The following GSG1L variants were observed in gnomAD, a reference collection of about 807,000 sequenced individuals.
The protein encoded by GSG1L is germ cell-specific gene 1-like protein.
A neutral mutation model predicts 42.1 loss-of-function variants in GSG1L; 24 were observed. That is an observed-to-expected ratio of 0.57 (90% CI 0.41 to 0.80). GSG1L has a LOEUF of 0.80. Among genes scored for constraint, GSG1L ranks in the 30% least tolerant of loss-of-function variants. The probability of loss-of-function intolerance (pLI) is 0.00; values close to 1 mark genes in which losing one functional copy is unlikely to be tolerated. For missense variants in GSG1L, 445 were observed against 472.2 expected, an observed-to-expected ratio of 0.94 and a Z score of 0.53; for synonymous variants, 215 against 203.5, an observed-to-expected ratio of 1.06 and a Z score of -0.48.
At chr16:27,878,225 A>T (rs1316214663) in intron 3 of GSG1L, among the ~76,000 whole-genome samples, 1 of 152,134 alleles carries the variant, frequency 6.6e-6, no homozygotes, top group Non-Finnish European at 1.5e-5. Context: ...GCTAATAAAG[A>T]CATACCCAAG....
chr16:27,890,448 C>T (rs1423046), intron 2 of GSG1L, among the ~76,000 whole-genome samples: 1 of 151,966 alleles, frequency 6.6e-6, no homozygotes, highest in Non-Finnish European at 1.5e-5. Flanking sequence ...AGGATGGAAA[C>T]AGTTCTTGGA....
intron 1 of GSG1L, among the ~76,000 whole-genome samples, chr16:28,011,000 C>T (rs900023329): frequency 2.4e-4 from 37 of 152,116 alleles, no homozygotes; most frequent in African/African-American, 8.9e-4. Flanking sequence ...GATGGGTCGT[C>T]GGGGCTCTGC....
chr16:27,927,039 C>A (rs745569390), intron 2 of GSG1L, among the ~76,000 whole-genome samples: 3 of 152,204 alleles, frequency 2.0e-5, no homozygotes, highest in Non-Finnish European at 4.4e-5. Context: ...TCCCTCCACC[C>A]TTGCTCACCC....
intron 2 of GSG1L, among the ~76,000 whole-genome samples, chr16:27,928,392 C>T (rs1487033124): frequency 5.0e-4 from 76 of 152,310 alleles, no homozygotes; most frequent in Non-Finnish European, 2.6e-4. Context: ...TCTGCAATGT[C>T]GCCGCCTCTG....
chr16:28,028,433 G>A (rs2085923839), intron 1 of GSG1L, among the ~76,000 whole-genome samples: 1 of 151,958 alleles, frequency 6.6e-6, no homozygotes, highest in Non-Finnish European at 1.5e-5. Flanking sequence ...CTAGGCCTAC[G>A]ATTCCCGAGT....
intron 1 of GSG1L, among the ~76,000 whole-genome samples, chr16:28,028,967 G>A (rs1567561485): frequency 6.6e-6 from 1 of 152,198 alleles, no homozygotes; most frequent in Admixed American, 6.5e-5. Context: ...GGTTTGTTTT[G>A]GAGGGTGATG....
chr16:27,806,847 A>G (rs2082969242), intron 6 of GSG1L, among the ~76,000 whole-genome samples: 1 of 152,168 alleles, frequency 6.6e-6, no homozygotes, highest in Admixed American at 6.5e-5. Context: ...CAACAATCCC[A>G]GCTGTAGGGA....
intron 1 of GSG1L, among the ~76,000 whole-genome samples, chr16:28,054,981 G>A (rs946494069): frequency 6.6e-6 from 1 of 151,996 alleles, no homozygotes; most frequent in African/African-American, 2.4e-5. Context: ...CCCAGCCCCC[G>A]CAGGCCCCCT....
chr16:27,789,696 A>ATGGG lies in GSG1L; in HGVS notation c.*1673_*1674insCCCA. The ATGGG allele has an allele frequency of 7.0e-6, 1 of 142,994 alleles. No homozygotes were observed. The highest frequency in any genetic ancestry group is 1.5e-5 in the Non-Finnish European group (1 of 65,344). The allele number at this position is 142,994 out of a possible 1,614,324, so 8.9% of individuals were successfully genotyped here. On this transcript the variant is annotated 3_prime_UTR_variant, in exon 7 of 7. Transcript: ENST00000447459. ...TAGACAATGAATGGATAGATGATGG[A>ATGGG]TGGATGGATGGATGGATGGATGATG...
At chr16:27,983,865 A>C (rs1041864638) in intron 1 of GSG1L, among the ~76,000 whole-genome samples, 1 of 152,198 alleles carries the variant, frequency 6.6e-6, no homozygotes, top group Non-Finnish European at 1.5e-5. Context: ...AGCCTGTTGC[A>C]TGGCAAGAGT....
chr16:27,827,735 T>C (rs2083226725), intron 5 of GSG1L, among the ~76,000 whole-genome samples: 1 of 152,176 alleles, frequency 6.6e-6, no homozygotes, highest in African/African-American at 2.4e-5. Flanking sequence ...CTGAAATTCA[T>C]CCAGCCAGCC....
At chr16:27,923,341 A>G (rs1206988930) in intron 2 of GSG1L, among the ~76,000 whole-genome samples, 2 of 152,090 alleles carry the variant, frequency 1.3e-5, no homozygotes, top group Non-Finnish European at 2.9e-5. Flanking sequence ...CCTCACTCCC[A>G]CAGCCCAAAC....
At position 28,040,769 on chromosome 16, in the gene GSG1L, C is replaced by G. The variant is rs967419115; in HGVS notation, c.349+22307G>C. Among the ~76,000 whole-genome samples the G allele has an allele frequency of 7.2e-5, 11 of 152,190 alleles. No homozygotes were observed. Among genetic ancestry groups the G allele is most frequent in the Non-Finnish European group, 1.5e-4 (10 of 68,036 alleles). On this transcript the variant is annotated intron_variant, in intron 1 of 6. Coordinates refer to ENST00000447459, the MANE Select transcript of GSG1L (RefSeq NM_001109763.2). The surrounding 1 kb of genome is among the most constrained non-coding windows in gnomAD (Gnocchi z 4.1). ...GGCTCTGGAGCCCCACATGCCCGCC[C>G]CAGGCAGGGTAGTGCTGACTGGCCG... is the stretch of plus-strand genomic sequence containing the variant.
chr16:27,971,414 A>G (rs1037339825), intron 1 of GSG1L, among the ~76,000 whole-genome samples: 1 of 111,318 alleles, frequency 9.0e-6, no homozygotes, highest in Non-Finnish European at 2.0e-5. Context: ...TGCTATTATG[A>G]ATGGAATTGT....
intron 6 of GSG1L, among the ~76,000 whole-genome samples, chr16:27,803,896 T>C (rs1390750336): frequency 2.7e-5 from 4 of 150,788 alleles, no homozygotes. Flanking sequence ...GATAGATAAA[T>C]AGGTAGATAG....
chr16:27,965,831 G>A (rs1369094318), intron 1 of GSG1L, among the ~76,000 whole-genome samples: 4 of 152,120 alleles, frequency 2.6e-5, no homozygotes, highest in African/African-American at 9.7e-5. Flanking sequence ...AAGTATCCTG[G>A]TATAACCTAA....
intron 1 of GSG1L, among the ~76,000 whole-genome samples, chr16:28,025,013 G>A (rs2085884588): frequency 6.6e-6 from 1 of 152,190 alleles, no homozygotes; most frequent in Admixed American, 6.5e-5. Context: ...TTCCCACCCG[G>A]GGGCTCAGGC....
chr16:28,063,162 C>A lies in GSG1L; in HGVS notation c.263G>T (p.Ser88Ile), dbSNP rs1350351373. The A allele has an allele frequency of 1.9e-5, 26 of 1,369,160 alleles. No homozygotes were observed. Among genetic ancestry groups the A allele is most frequent in the African/African-American group, 4.5e-5 (3 of 66,418 alleles). The allele number at this position is 1,369,160 out of a possible 1,614,324, so 84.8% of individuals were successfully genotyped here. A position where few individuals can be genotyped will look rare whatever the true frequency, so the allele number is the denominator to read the frequency against. ...GAAGCGGTCGTCGCCGGTCTCCCAGCTGTAGAGCGCGCCGCCAGGGGGGCC... is the reference window on the plus strand; with the variant it reads ...GAAGCGGTCGTCGCCGGTCTCCCAGATGTAGAGCGCGCCGCCAGGGGGGCC... Reference protein sequence around the residue: ...GNGPPGGALYSWETGDDRFLF... With the variant: ...GNGPPGGALYIWETGDDRFLF... The change falls in exon 1 of 7, where the codon AGC (serine) becomes ATC (isoleucine). Residue 88 changes from serine (S) to isoleucine (I), a missense_variant. This residue lies in a region of GSG1L where 149 missense variants were observed against 223.3 expected (regional missense o/e 0.67). Coordinates refer to ENST00000447459, the MANE Select transcript of GSG1L (RefSeq NM_001109763.2). The surrounding 1 kb of genome is among the most constrained non-coding windows in gnomAD (Gnocchi z 5.8).
At chr16:27,803,784 T>TATATATATAG (rs2082913821) in intron 6 of GSG1L, among the ~76,000 whole-genome samples, 1 of 92,136 alleles carries the variant, frequency 1.1e-5, no homozygotes, top group South Asian at 3.0e-4. Flanking sequence ...TATATATATA[T>TATATATATAG]ATATATATAT....
Sources: allele counts gnomAD v4.1 joint callset (sites outside exome capture counted in the v4.1 genomes callset), GRCh38; gene constraint gnomAD v4.1.1; regional missense constraint gnomAD v4.1.1; non-coding constraint Gnocchi (gnomAD v3.1); transcripts MANE v1.5; gene names NCBI Gene and HGNC (gene_info 2026-07-23, HGNC 2026-07-21).